SAMHD1: variants seen among roughly 807,000 people sequenced by gnomAD.
The protein encoded by SAMHD1 is SAM and HD domain containing deoxynucleoside triphosphate triphosphohydrolase 1, also known as deoxynucleoside triphosphate triphosphohydrolase SAMHD1.
Under a neutral mutation model 79.6 loss-of-function variants are expected in SAMHD1, and 54 were observed. The observed-to-expected ratio is 0.68, with a 90% CI of 0.55 to 0.85. The LOEUF (loss-of-function observed/expected upper bound fraction) is 0.85. Among genes scored for constraint, SAMHD1 ranks in the 40% least tolerant of loss-of-function variants. The pLI, the probability that SAMHD1 is intolerant of heterozygous loss-of-function variation, is 0.00. For synonymous variants in SAMHD1, 260 were observed against 264.1 expected (o/e 0.98, Z 0.15); for missense variants, 663 against 782.7 (o/e 0.85, Z 1.82).
intron 11 of SAMHD1, among the ~76,000 whole-genome samples, chr20:36,909,680 C>CA (rs56389967): frequency 0.12 from 13,682 of 117,548 alleles, 698 homozygotes; most frequent in African/African-American, 0.21. Context: ...CACCCCCCTC[C>CA]AAAAAAAAAA....
rs533217321 is a variant in SAMHD1, at chr20:36,938,651, G to A, written c.348+2388C>T. On this transcript the variant is annotated intron_variant, in intron 3 of 15. Coordinates refer to ENST00000646673, the MANE Select transcript of SAMHD1 (RefSeq NM_015474.4). ...GGAGATCGAGACCATCCTAGCTAAC[G>A]CGGTGAAACCCCATCTCTACTAAAA... Among the ~76,000 whole-genome samples the A allele has an allele frequency of 2.0e-5, 3 of 151,530 alleles. 1 individual carries two copies. The highest frequency in any genetic ancestry group is 4.8e-5 in the African/African-American group (2 of 41,336).
At chr20:36,911,045 G>A (rs1459277830) in intron 11 of SAMHD1, among the ~76,000 whole-genome samples, 173 bp downstream of exon 11, 1 of 151,920 alleles carries the variant, frequency 6.6e-6, no homozygotes, top group Non-Finnish European at 1.5e-5. Flanking sequence ...CTTGAGCCCA[G>A]GAATTTGAGA....
intron 2 of SAMHD1, 45 bp downstream of exon 2, chr20:36,946,693 T>A (rs1361621009): frequency 1.4e-6 from 2 of 1,462,828 alleles, no homozygotes; most frequent in Admixed American, 3.6e-5. Context: ...GAAAGATGGA[T>A]AAAGTGTGTT....
intron 2 of SAMHD1, among the ~76,000 whole-genome samples, chr20:36,945,381 A>T (rs571877893): frequency 6.6e-6 from 1 of 152,328 alleles, no homozygotes; most frequent in East Asian, 1.9e-4. Context: ...TAGTGTCTTT[A>T]AATCTAATAC....
chr20:36,893,230 G>A (rs1601108813), intron 15 of SAMHD1, 164 bp from the exon 16 acceptor site: 1 of 805,592 alleles, frequency 1.2e-6, no homozygotes, highest in East Asian at 2.7e-5. Context: ...CTGTGCTTGG[G>A]GCAAATTAGA....
At chr20:36,912,889 G>GTTTTTTTTTTTTTTTTTT (rs71186089) in intron 9 of SAMHD1, among the ~76,000 whole-genome samples, 3 of 41,104 alleles carry the variant, frequency 7.3e-5, no homozygotes, top group African/African-American at 2.1e-4. Context: ...TTCATTCTTT[G>GTTTTTTTTTTTTTTTTTT]TTTTTTTTTT....
chr20:36,910,219 T>A (rs1253326163), intron 11 of SAMHD1, among the ~76,000 whole-genome samples: 1 of 99,850 alleles, frequency 1.0e-5, no homozygotes, highest in Non-Finnish European at 1.9e-5. Context: ...CAAGACTCCG[T>A]ATCAAAAAAA....
At chr20:36,950,587 T>G (rs1339703937) in intron 1 of SAMHD1, among the ~76,000 whole-genome samples, 1 of 152,176 alleles carries the variant, frequency 6.6e-6, no homozygotes, top group Non-Finnish European at 1.5e-5. Flanking sequence ...GGATGGATGC[T>G]TGGATACGAA....
Position 36,926,951 on chromosome 20 carries a change from A to G in SAMHD1, c.696+231T>C, listed in dbSNP as rs2063540202. On this transcript the variant is annotated intron_variant, in intron 6 of 15. Transcript: ENST00000646673. ...ATTTTTGATGCATCAATACACATCC[A>G]AGAGTTTCAAGTTCCTTTATTTGTA... is the stretch of plus-strand genomic sequence containing the variant. 6.1e-6 allele frequency: 3 copies of G among 490,334 alleles called. No homozygotes were observed. In the South Asian group the frequency reaches 7.1e-5, roughly 12 times the overall value. 30.4% of individuals were successfully genotyped at this position (490,334 alleles called of 1,614,324 possible). A position where few individuals can be genotyped will look rare whatever the true frequency, so the allele number is the denominator to read the frequency against.
At chr20:36,897,197 G>A (rs1174871527) in intron 15 of SAMHD1, among the ~76,000 whole-genome samples, 2 of 152,206 alleles carry the variant, frequency 1.3e-5, no homozygotes, top group Non-Finnish European at 2.9e-5. Context: ...GAGGTGTGAG[G>A]GAGAGTTCTA....
chr20:36,937,863 T>C lies in SAMHD1; in HGVS notation c.349-2674A>G, dbSNP rs1432027102. On this transcript the variant is annotated intron_variant, in intron 3 of 15. Transcript: ENST00000646673. ...TGAGGTTAAACAATGTTGGTTTGTTTTTTTTTTTTTTTGAGACAGGGTCTC... is the reference window on the plus strand; with the variant it reads ...TGAGGTTAAACAATGTTGGTTTGTTCTTTTTTTTTTTTGAGACAGGGTCTC... Among the ~76,000 whole-genome samples, 5 of 151,390 alleles carry C rather than the reference T, an allele frequency of 3.3e-5. No individual in the cohort carries two copies. The South Asian group carries it at 1.0e-3, about 32-fold the overall frequency.
At chr20:36,898,588 A>G in intron 13 of SAMHD1, 44 bp from the exon 14 acceptor site, 1 of 1,440,336 alleles carries the variant, frequency 6.9e-7, no homozygotes, top group Non-Finnish European at 9.8e-7. Flanking sequence ...CAAGCAGGAG[A>G]ACTGAACTCA....
chr20:36,896,134 G>A (rs1990193039), intron 15 of SAMHD1, among the ~76,000 whole-genome samples: 1 of 149,728 alleles, frequency 6.7e-6, no homozygotes, highest in African/African-American at 2.4e-5. Context: ...TGCAGTCGCC[G>A]GCTAATTTTT....
chr20:36,931,254 G>A (rs2063566349), intron 4 of SAMHD1, among the ~76,000 whole-genome samples: 1 of 152,190 alleles, frequency 6.6e-6, no homozygotes, highest in Admixed American at 6.6e-5. Context: ...AAAACAGTAT[G>A]GGTGCTCCAC....
chr20:36,909,671 A>AC (rs1402097008), intron 11 of SAMHD1, among the ~76,000 whole-genome samples: 1 of 77,912 alleles, frequency 1.3e-5, no homozygotes, highest in South Asian at 4.1e-4. Context: ...AACTCTGTCC[A>AC]CCCCCCTCCA....
At chr20:36,946,412 CAA>C (rs747820850) in intron 2 of SAMHD1, 398 of 194,652 alleles carry the variant, frequency 2.0e-3, no homozygotes, top group East Asian at 4.0e-3. Flanking sequence ...GACTCTGTCT[CAA>C]AAAAAAAAAA....
In SAMHD1 at chr20:36,916,841, T is replaced by G; in HGVS notation, c.954-11A>C. On this transcript the variant is annotated splice_polypyrimidine_tract_variant and intron_variant, in intron 8 of 15. Coordinates refer to ENST00000646673, the MANE Select transcript of SAMHD1 (RefSeq NM_015474.4). Reference sequence around the variant, plus strand: ...AGATGATGGCAGTCCCTAGAAGGATTCCAAAACAGAGAGATGAAATTTTTC... The same window carrying G: ...AGATGATGGCAGTCCCTAGAAGGATGCCAAAACAGAGAGATGAAATTTTTC... 1 of 1,609,794 alleles carries G rather than the reference T, an allele frequency of 6.2e-7. No homozygotes were observed. The highest frequency in any genetic ancestry group is 8.5e-7 in the Non-Finnish European group (1 of 1,176,086).
chr20:36,898,910 CAAAAAAAAA>C lies in SAMHD1; in HGVS notation c.1504-375_1504-367del, dbSNP rs57902699. 4.3e-5 allele frequency among the ~76,000 whole-genome samples: 3 copies of C among 69,420 alleles called. No individual in the cohort carries two copies. The East Asian group carries it at 1.9e-3, about 44-fold the overall frequency. The allele number at this position is 69,420 out of a possible 152,430, so 45.5% of individuals were successfully genotyped here. On this transcript the variant is annotated intron_variant, in intron 13 of 15. Transcript: ENST00000646673. ...CTGGCGACAGAGTGAGACTCTGACT[CAAAAAAAAA>C]AAAAAAAAAAAAGAAAGAAAGAAAT...
At chr20:36,951,160 C>T (rs1338203264) in intron 1 of SAMHD1, among the ~76,000 whole-genome samples, 1 of 152,236 alleles carries the variant, frequency 6.6e-6, no homozygotes, top group Non-Finnish European at 1.5e-5. Context: ...ATCGCCTATC[C>T]CAGGCGACCC....
Sources: gnomAD v4.1 joint callset for allele counts (sites outside exome capture counted in the v4.1 genomes callset) on GRCh38, gnomAD v4.1.1 for gene constraint, MANE v1.5 for transcripts, NCBI Gene and HGNC (gene_info 2026-07-23, HGNC 2026-07-21) for gene names.